Variants in DNAH5 observed in about 807,000 individuals in gnomAD.
The protein encoded by DNAH5 is dynein axonemal heavy chain 5.
DNAH5 carries 372 observed loss-of-function variants against 518.2 expected under a neutral mutation model. The observed-to-expected ratio is 0.72, with a 90% CI of 0.66 to 0.78. The LOEUF (loss-of-function observed/expected upper bound fraction) is 0.78, where lower values mean the gene tolerates loss of function less well. Ranked by LOEUF, DNAH5 falls within the 30% of genes least tolerant of loss-of-function variation. The probability of loss-of-function intolerance (pLI) is 0.00; values close to 1 mark genes in which losing one functional copy is unlikely to be tolerated. For synonymous variants in DNAH5, 2,039 were observed against 2,025.9 expected (o/e 1.01, Z -0.17); for missense variants, 5,523 against 5,687.0 (o/e 0.97, Z 0.93).
rs1313735230 is a variant in DNAH5, at chr5:13,716,496, C to T, written c.12900G>A (p.Gln4300=). 2.5e-6 allele frequency: 4 copies of T among 1,612,466 alleles called. No individual in the cohort carries two copies. The highest frequency in any genetic ancestry group is 3.4e-6 in the Non-Finnish European group (4 of 1,178,750). Reference sequence around the variant, plus strand: ...TCTGAAGTTGACAAACCTGGATATACTGAAGATAGTTATCCACTGTGCTGC... The same window carrying T: ...TCTGAAGTTGACAAACCTGGATATATTGAAGATAGTTATCCACTGTGCTGC... ...PKCSTVDNYL[Q]YIQSLPAYDS... Residue 4300 remains glutamine (Q), a synonymous_variant, in exon 74 of 79, where the codon CAG becomes CAA. Coordinates refer to ENST00000265104, the MANE Select transcript of DNAH5 (RefSeq NM_001369.3).
intron 74 of DNAH5, among the ~76,000 whole-genome samples, chr5:13,715,066 T>C (rs1744114690): frequency 6.6e-6 from 1 of 152,010 alleles, no homozygotes; most frequent in African/African-American, 2.4e-5. Flanking sequence ...GTGGGAGTCA[T>C]ACCCACCCAG....
intron 52 of DNAH5, among the ~76,000 whole-genome samples, chr5:13,783,546 C>G (rs1203277786): frequency 1.3e-5 from 2 of 152,120 alleles, no homozygotes; most frequent in African/African-American, 4.8e-5. Flanking sequence ...GCCCGTTGTT[C>G]TGGATCACAC....
At chr5:13,784,707 G>A (rs1477499666) in intron 52 of DNAH5, among the ~76,000 whole-genome samples, 4 of 152,186 alleles carry the variant, frequency 2.6e-5, no homozygotes, top group Non-Finnish European at 5.9e-5. Flanking sequence ...GGAAGACAGT[G>A]TCGAATCATT....
chr5:13,917,577 C>T (rs370250444), intron 7 of DNAH5, among the ~76,000 whole-genome samples: 3 of 152,306 alleles, frequency 2.0e-5, no homozygotes, highest in South Asian at 2.1e-4. Context: ...TGATACCACA[C>T]TTCCATATTT....
intron 32 of DNAH5, 38 bp from the exon 33 acceptor site, chr5:13,841,942 T>C (rs1285173864): frequency 1.9e-6 from 2 of 1,034,082 alleles, no homozygotes; most frequent in African/African-American, 1.7e-5. Flanking sequence ...AAAAAAGCTA[T>C]AGTCATATAA....
In DNAH5 at chr5:13,721,018, C is replaced by T. The variant is rs759652634; in HGVS notation, c.12261G>A (p.Leu4087=). 1.9e-6 allele frequency: 3 copies of T among 1,614,146 alleles called. No homozygotes were observed. The highest frequency in any genetic ancestry group is 2.2e-5 in the South Asian group (2 of 91,078). ...GCCTTACGTTCGCCATGGTCTGCTG[C>T]AAGAGCTTCCGAGCATGGACTTCCT... ...QGQEVHARKL[L]QQTMANGGWA... The change falls in exon 71 of 79, where the codon TTG becomes TTA. Residue 4087 remains leucine, a synonymous_variant. Coordinates refer to ENST00000265104, the MANE Select transcript of DNAH5 (RefSeq NM_001369.3).
At chr5:13,729,014 A>G (rs1746139060) in intron 69 of DNAH5, among the ~76,000 whole-genome samples, 1 of 152,244 alleles carries the variant, frequency 6.6e-6, no homozygotes, top group South Asian at 2.1e-4. Context: ...AGGAAGAAGA[A>G]GAAGAGGGAG....
intron 52 of DNAH5, 151 bp downstream of exon 52, chr5:13,786,028 T>C: frequency 2.6e-6 from 2 of 768,406 alleles, no homozygotes; most frequent in South Asian, 1.6e-5. Flanking sequence ...CATGTTGCAT[T>C]CAGCTTAGAA....
chr5:13,977,418 G>A (rs1336990162), intron 1 of DNAH5, among the ~76,000 whole-genome samples: 1 of 152,130 alleles, frequency 6.6e-6, no homozygotes, highest in Non-Finnish European at 1.5e-5. Flanking sequence ...ACCATAGACC[G>A]AAAGGCTTAT....
chr5:13,747,588 G>A (rs1367690139), intron 65 of DNAH5, among the ~76,000 whole-genome samples: 2 of 152,204 alleles, frequency 1.3e-5, no homozygotes, highest in African/African-American at 4.8e-5. Context: ...TCTAACTGGT[G>A]TGAGATGGTA....
chr5:13,818,742 T>C (rs557160628), intron 41 of DNAH5, among the ~76,000 whole-genome samples: 2 of 152,334 alleles, frequency 1.3e-5, no homozygotes, highest in East Asian at 3.9e-4. Context: ...CTGCTTCTAA[T>C]ACAGAACCTG....
intron 1 of DNAH5, among the ~76,000 whole-genome samples, chr5:13,942,769 G>T (rs566397355): frequency 4.3e-4 from 66 of 152,128 alleles, no homozygotes; most frequent in South Asian, 1.7e-3. Flanking sequence ...CCCCTGCCCT[G>T]CTCCTTGGCT....
Position 13,690,808 on chromosome 5 carries a change from A to G in DNAH5, c.*1176T>C, listed in dbSNP as rs1258311866. On this transcript the variant is annotated 3_prime_UTR_variant, in exon 79 of 79. Transcript: ENST00000265104. Reference sequence around the variant, plus strand: ...AATGTTTCCTAATTAATAAAAGTCCATAGAAAGTCCCTACGCACCGTCTAA... The same window carrying G: ...AATGTTTCCTAATTAATAAAAGTCCGTAGAAAGTCCCTACGCACCGTCTAA... The G allele has an allele frequency of 6.6e-6, 1 of 152,238 alleles. No homozygotes were observed. The highest frequency in any genetic ancestry group is 1.5e-5 in the Non-Finnish European group (1 of 68,042). 9.4% of individuals were successfully genotyped at this position (152,238 alleles called of 1,614,324 possible). A position where few individuals can be genotyped will look rare whatever the true frequency, so the allele number is the denominator to read the frequency against.
Position 13,901,539 on chromosome 5 carries a change from AT to A in DNAH5, c.1764del (p.Lys588AsnfsTer15). ...CCATAGTTCTCAAGGATAAGTTGAT[AT>A]TTGTCATCAATACCAAGATTAGGTA... ...LNIPNLGIDD[K>X]YQLILENYGA... On this transcript the variant is annotated frameshift_variant, in exon 14 of 79. Transcript: ENST00000265104. LOFTEE classifies it high-confidence loss of function. 6.2e-7 allele frequency: 1 copy of A among 1,613,502 alleles called. No homozygotes were observed. The highest frequency in any genetic ancestry group is 8.5e-7 in the Non-Finnish European group (1 of 1,179,854).
At chr5:13,986,554 C>A (rs534180328) in intron 1 of DNAH5, among the ~76,000 whole-genome samples, 1 of 152,258 alleles carries the variant, frequency 6.6e-6, no homozygotes, top group South Asian at 2.1e-4. Context: ...ACTATGGACA[C>A]AAACAAAGCC....
At chr5:13,788,679 C>T in intron 51 of DNAH5, 37 bp downstream of exon 51, 1 of 1,573,190 alleles carries the variant, frequency 6.4e-7, no homozygotes, top group Non-Finnish European at 8.7e-7. Flanking sequence ...TAGGGAACAC[C>T]TTTTGGGGAA....
rs1311188158 is a variant in DNAH5, at chr5:13,754,314, A to G, written c.10444T>C (p.Cys3482Arg). Residue 3482 changes from cysteine (C) to arginine (R), a missense_variant, in exon 62 of 79, where the codon TGC (cysteine) becomes CGC (arginine). Transcript: ENST00000265104. ...GAAGCTGTCTGCATCTTGTGTCTGCATCGCTCTGCATCTTCAAGCAAGGTC... is the reference window on the plus strand; with the variant it reads ...GAAGCTGTCTGCATCTTGTGTCTGCGTCGCTCTGCATCTTCAAGCAAGGTC... ...KQTLLEDAER[C>R]RHKMQTASTL... is the part of the protein sequence containing the mutation. 1 of 1,614,120 alleles carries G rather than the reference A, an allele frequency of 6.2e-7. No individual in the cohort carries two copies.
chr5:13,706,203 AT>A (rs1164524139), intron 76 of DNAH5, among the ~76,000 whole-genome samples: 1 of 152,216 alleles, frequency 6.6e-6, no homozygotes, highest in African/African-American at 2.4e-5. Flanking sequence ...TTTCATTCAC[AT>A]GCATAACTTG....
chr5:13,853,185 T>A (rs1460479056), intron 30 of DNAH5, among the ~76,000 whole-genome samples: 1 of 152,170 alleles, frequency 6.6e-6, no homozygotes, highest in Admixed American at 6.5e-5. Context: ...CAGGCAGCAA[T>A]CTTTGCTGTT....
Sources: allele counts gnomAD v4.1 joint callset (sites outside exome capture counted in the v4.1 genomes callset), GRCh38; gene constraint gnomAD v4.1.1; transcripts MANE v1.5; gene names NCBI Gene and HGNC (gene_info 2026-07-23, HGNC 2026-07-21).